PSTPIP2: variants seen among roughly 807,000 people sequenced by gnomAD.
The protein encoded by PSTPIP2 is proline-serine-threonine phosphatase-interacting protein 2.
Under a neutral mutation model 63.3 loss-of-function variants are expected in PSTPIP2, and 33 were observed. That is an observed-to-expected ratio of 0.52 (90% CI 0.40 to 0.70). The LOEUF (loss-of-function observed/expected upper bound fraction) is 0.70, where lower values mean the gene tolerates loss of function less well. Among genes scored for constraint, PSTPIP2 ranks in the 30% least tolerant of loss-of-function variants. The pLI is 0.00. For missense variants in PSTPIP2, 312 were observed against 400.7 expected (o/e 0.78, Z 1.89); for synonymous variants, 125 against 132.7 (o/e 0.94, Z 0.40).
intron 2 of PSTPIP2, among the ~76,000 whole-genome samples, chr18:46,038,169 C>T (rs763569803): frequency 2.0e-5 from 3 of 152,180 alleles, no homozygotes; most frequent in African/African-American, 4.8e-5. Flanking sequence ...AAGTGATCCC[C>T]CGACCTCAGC....
chr18:46,024,598 T>C lies in PSTPIP2; in HGVS notation c.212+11A>G. 1 of 1,611,314 alleles carries C rather than the reference T, an allele frequency of 6.2e-7. No homozygotes were observed. The highest frequency in any genetic ancestry group is 8.5e-7 in the Non-Finnish European group (1 of 1,177,534). Reference sequence around the variant, plus strand: ...ACCAACCTGGAAACCAGAAAAAAACTTGATACATACTTGATTTCAGACTGT... The same window carrying C: ...ACCAACCTGGAAACCAGAAAAAAACCTGATACATACTTGATTTCAGACTGT... On this transcript the variant is annotated intron_variant, in intron 3 of 14. Coordinates refer to ENST00000409746, the MANE Select transcript of PSTPIP2 (RefSeq NM_024430.4).
chr18:46,029,150 T>A, intron 2 of PSTPIP2: 2 of 904,610 alleles, frequency 2.2e-6, no homozygotes, highest in Non-Finnish European at 3.8e-6. Flanking sequence ...CCATGAGTAC[T>A]CACAGCAAGG....
At chr18:46,020,369 A>T (rs376304591) in intron 3 of PSTPIP2, among the ~76,000 whole-genome samples, 1 of 152,192 alleles carries the variant, frequency 6.6e-6, no homozygotes, top group East Asian at 1.9e-4. Context: ...AAGCAAAATC[A>T]TCTGGCCGGG....
chr18:46,043,002 G>A (rs1599736465), intron 1 of PSTPIP2, among the ~76,000 whole-genome samples: 3 of 152,138 alleles, frequency 2.0e-5, no homozygotes, highest in Admixed American at 1.3e-4. Flanking sequence ...GCTGGCAGCT[G>A]GGAGGTCTGT....
intron 1 of PSTPIP2, among the ~76,000 whole-genome samples, chr18:46,042,223 A>C (rs9957650): frequency 0.015 from 2,245 of 152,212 alleles, 38 homozygotes; most frequent in Admixed American, 0.038. Context: ...AGCCCAAAAA[A>C]CAGCTTCCAC....
intron 9 of PSTPIP2, among the ~76,000 whole-genome samples, chr18:45,997,049 C>G (rs1195261665): frequency 1.3e-5 from 2 of 152,364 alleles, no homozygotes; most frequent in East Asian, 3.9e-4. Context: ...TTCAGCTATT[C>G]TATGCTTGTG....
At chr18:46,049,570 T>C (rs1908509287) in intron 1 of PSTPIP2, among the ~76,000 whole-genome samples, 1 of 152,092 alleles carries the variant, frequency 6.6e-6, no homozygotes, top group South Asian at 2.1e-4. Context: ...TAATGAGCTC[T>C]AAAAATCAAT....
At chr18:45,990,803 T>A in intron 12 of PSTPIP2, 47 bp from the exon 13 acceptor site, 1 of 1,465,558 alleles carries the variant, frequency 6.8e-7, no homozygotes, top group Non-Finnish European at 9.5e-7. Flanking sequence ...TCTTGTTATT[T>A]TTATAATCTT....
intron 6 of PSTPIP2, among the ~76,000 whole-genome samples, chr18:46,003,079 T>C (rs914703626): frequency 6.6e-6 from 1 of 152,234 alleles, no homozygotes; most frequent in Non-Finnish European, 1.5e-5. Context: ...ATCTCATTAC[T>C]GTCATGTGAG....
chr18:46,071,089 G>A (rs1909376001), intron 1 of PSTPIP2, among the ~76,000 whole-genome samples: 1 of 152,106 alleles, frequency 6.6e-6, no homozygotes, highest in East Asian at 1.9e-4. Flanking sequence ...TGCCCCAGAA[G>A]GACCTCACAA....
chr18:46,068,004 T>G (rs1053059749), intron 1 of PSTPIP2, among the ~76,000 whole-genome samples: 2 of 152,158 alleles, frequency 1.3e-5, no homozygotes, highest in Admixed American at 6.6e-5. Context: ...GTATTTTTTT[T>G]TTAAAGCAGC....
At chr18:45,992,299 A>T in intron 10 of PSTPIP2, 97 bp from the exon 11 acceptor site, 1 of 1,005,376 alleles carries the variant, frequency 9.9e-7, no homozygotes, top group Non-Finnish European at 1.5e-6. Flanking sequence ...GCAGTGGCTC[A>T]TGTCTGTAAT....
At chr18:46,032,917 C>T (rs1040476545) in intron 2 of PSTPIP2, among the ~76,000 whole-genome samples, 3 of 152,164 alleles carry the variant, frequency 2.0e-5, no homozygotes, top group East Asian at 1.9e-4. Flanking sequence ...TCAGAGTGAA[C>T]TGAAAAGATG....
chr18:45,989,010 C>T (rs2051496182), intron 13 of PSTPIP2, among the ~76,000 whole-genome samples: 1 of 152,186 alleles, frequency 6.6e-6, no homozygotes, highest in Non-Finnish European at 1.5e-5. Context: ...GTAAAATCAT[C>T]TTTAAAAATG....
Position 46,024,652 on chromosome 18 carries a change from G to C in PSTPIP2, c.169C>G (p.Leu57Val). 6.2e-7 allele frequency: 1 copy of C among 1,614,106 alleles called. No individual in the cohort carries two copies. Among genetic ancestry groups the C allele is most frequent in the African/African-American group, 1.3e-5 (1 of 75,050 alleles). Residue 57 changes from leucine (L) to valine (V), a missense_variant, in exon 3 of 15, where the codon CTC becomes GTC. Transcript: ENST00000409746. ...CACGGCTTCTTCCTAGAGAGGTTGAGCAGATCTTTGCCATACCTCTCTTCA... is the reference window on the plus strand; with the variant it reads ...CACGGCTTCTTCCTAGAGAGGTTGACCAGATCTTTGCCATACCTCTCTTCA... ...AIEERYGKDL[L>V]NLSRKKPCGQ... is the part of the protein sequence containing the mutation.
Position 45,986,422 on chromosome 18 carries a change from A to G in PSTPIP2, c.*9-972T>C, listed in dbSNP as rs1231528216. On this transcript the variant is annotated intron_variant, in intron 14 of 14. Coordinates refer to ENST00000409746, the MANE Select transcript of PSTPIP2 (RefSeq NM_024430.4). The stretch of plus-strand genomic sequence containing the variant: ...TTGGGTCAAGTGGTACTATTAAGCT[A>G]CTAGAATATATTCTTTACCCAAACA... Among the ~76,000 whole-genome samples, 13 of 152,358 alleles carry G rather than the reference A, an allele frequency of 8.5e-5. No individual in the cohort carries two copies. The South Asian group carries it at 2.1e-3, about 24-fold the overall frequency.
intron 1 of PSTPIP2, among the ~76,000 whole-genome samples, chr18:46,042,263 C>G (rs1391416148): frequency 6.6e-6 from 1 of 152,158 alleles, no homozygotes; most frequent in Non-Finnish European, 1.5e-5. Context: ...TGGCCTCCTC[C>G]ATACATACCC....
chr18:46,015,009 T>C (rs996861664), intron 4 of PSTPIP2, among the ~76,000 whole-genome samples: 4 of 152,072 alleles, frequency 2.6e-5, no homozygotes, highest in African/African-American at 9.7e-5. Context: ...GACAGAGAAG[T>C]AGCCAGAGAA....
rs1297400468 is a variant in PSTPIP2 at position 45,985,059 on chromosome 18, A to G, written c.*400T>C. ...CCACTGAGGCTGTGTGTCGCCGTGG[A>G]AACTCCACAGCCAGGCTGCCCAAAG... On this transcript the variant is annotated 3_prime_UTR_variant, in exon 15 of 15. Transcript: ENST00000409746. The G allele has an allele frequency of 4.4e-6, 1 of 226,466 alleles. No homozygotes were observed. The highest frequency in any genetic ancestry group is 5.5e-5 in the Admixed American group (1 of 18,346). 14.0% of individuals were successfully genotyped at this position (226,466 alleles called of 1,614,324 possible). A position where few individuals can be genotyped will look rare whatever the true frequency, so the allele number is the denominator to read the frequency against.
Sources: gnomAD v4.1 joint callset for allele counts (sites outside exome capture counted in the v4.1 genomes callset) on GRCh38, gnomAD v4.1.1 for gene constraint, MANE v1.5 for transcripts, NCBI Gene and HGNC (gene_info 2026-07-23, HGNC 2026-07-21) for gene names.